ITM2B: variants seen among roughly 807,000 people sequenced by gnomAD.
ITM2B encodes the protein ABri/ADan amyloid peptide.
In ITM2B, 11 loss-of-function variants were observed where a neutral mutation model predicts 27.8. That is an observed-to-expected ratio of 0.40 (90% CI 0.25 to 0.66). ITM2B has a LOEUF of 0.66. ITM2B is among the 30% of genes least tolerant of loss of function. The pLI is 0.43. For missense variants in ITM2B, 296 were observed against 328.9 expected, an observed-to-expected ratio of 0.90 and a Z score of 0.77; for synonymous variants, 114 against 114.3, an observed-to-expected ratio of 1.00 and a Z score of 0.02.
At chr13:48,248,020 A>T (rs1392137763) in intron 1 of ITM2B, among the ~76,000 whole-genome samples, 3 of 152,146 alleles carry the variant, frequency 2.0e-5, no homozygotes, top group Non-Finnish European at 4.4e-5. Context: ...CGTCTCGGTG[A>T]CTTGTTTTAA....
chr13:48,243,282 G>T (rs4942759), intron 1 of ITM2B, among the ~76,000 whole-genome samples: 138,624 of 152,272 alleles, frequency 0.91, 63,301 homozygotes, highest in East Asian at 1. Flanking sequence ...TAATTAATAT[G>T]TTGCCTTTTT....
rs373140927 is a variant in ITM2B, at chr13:48,262,706, C to T, written c.*1482C>T. On this transcript the variant is annotated 3_prime_UTR_variant, in exon 6 of 6. Transcript: ENST00000647800. ...AAAGAAGAAAAAAAGCCACTGCCGT[C>T]GTGGAGACTCACAATCTAGGAAAAG... 6.6e-6 allele frequency: 1 copy of T among 152,102 alleles called. No individual in the cohort carries two copies. The highest frequency in any genetic ancestry group is 1.9e-4 in the East Asian group (1 of 5,198). 9.4% of individuals were successfully genotyped at this position (152,102 alleles called of 1,614,324 possible). A position where few individuals can be genotyped will look rare whatever the true frequency, so the allele number is the denominator to read the frequency against.
chr13:48,238,295 A>T (rs2137978549), intron 1 of ITM2B, among the ~76,000 whole-genome samples: 1 of 152,332 alleles, frequency 6.6e-6, no homozygotes, highest in Middle Eastern at 3.4e-3. Context: ...TATAAGTGTT[A>T]TCAACAATTG....
At chr13:48,250,792 TGAAA>T (rs1951751511) in intron 1 of ITM2B, among the ~76,000 whole-genome samples, 1 of 152,150 alleles carries the variant, frequency 6.6e-6, no homozygotes, top group Non-Finnish European at 1.5e-5. Flanking sequence ...ATTATTCTCA[TGAAA>T]GAAAAGTGAT....
At position 48,261,967 on chromosome 13, in the gene ITM2B, T is replaced by A. The variant is rs1052517094; in HGVS notation, c.*743T>A. 6.6e-6 allele frequency: 1 copy of A among 152,512 alleles called. No homozygotes were observed. The highest frequency in any genetic ancestry group is 6.6e-5 in the Admixed American group (1 of 15,264). 9.4% of individuals were successfully genotyped at this position (152,512 alleles called of 1,614,324 possible). A position where few individuals can be genotyped will look rare whatever the true frequency, so the allele number is the denominator to read the frequency against. On this transcript the variant is annotated 3_prime_UTR_variant, in exon 6 of 6. Coordinates refer to ENST00000647800, the MANE Select transcript of ITM2B (RefSeq NM_021999.5). ...CCACATAAAAGAAGAAACTATTTTT[T>A]AAAAATTCACTTCTATATATACAAT...
chr13:48,267,633 T>TAAAGTGCTGTTTCTTCAGC lies in ITM2B; in HGVS notation c.*6409_*6410insAAAGTGCTGTTTCTTCAGC, dbSNP rs1421906258. ...TGAGCCAGAAATGTTTCTTCAGCTT[T>TAAAGTGCTGTTTCTTCAGC]TGTAAAGTGCTGTTAAAAGCATTAT... is the stretch of plus-strand genomic sequence containing the variant. On this transcript the variant is annotated 3_prime_UTR_variant, in exon 6 of 6. Transcript: ENST00000647800. 6.6e-6 allele frequency: 1 copy of TAAAGTGCTGTTTCTTCAGC among 152,238 alleles called. No individual in the cohort carries two copies. Among genetic ancestry groups the TAAAGTGCTGTTTCTTCAGC allele is most frequent in the East Asian group, 1.9e-4 (1 of 5,204 alleles). The allele number at this position is 152,238 out of a possible 1,614,324, so 9.4% of individuals were successfully genotyped here. A position where few individuals can be genotyped will look rare whatever the true frequency, so the allele number is the denominator to read the frequency against.
At chr13:48,238,384 A>G (rs901528870) in intron 1 of ITM2B, among the ~76,000 whole-genome samples, 25 of 152,190 alleles carry the variant, frequency 1.6e-4, no homozygotes, top group African/African-American at 5.5e-4. Context: ...CAGTATTTCT[A>G]TAATTGTACT....
chr13:48,255,263 G>T (rs552849714), intron 2 of ITM2B, among the ~76,000 whole-genome samples: 1 of 151,538 alleles, frequency 6.6e-6, no homozygotes, highest in African/African-American at 2.4e-5. Flanking sequence ...GTGCGCGCGC[G>T]TGTGCGTGCG....
rs2052414479 is a variant in ITM2B at position 48,268,492 on chromosome 13, A to C, written c.*7268A>C. ...GTTTGTTTTTGTTATTTTTTTTAGT[A>C]CAGATGGGGTTTTGCCATGTTGTCC... On this transcript the variant is annotated 3_prime_UTR_variant, in exon 6 of 6. Coordinates refer to ENST00000647800, the MANE Select transcript of ITM2B (RefSeq NM_021999.5). 1 of 151,858 alleles carries C rather than the reference A, an allele frequency of 6.6e-6. No homozygotes were observed. Among genetic ancestry groups the C allele is most frequent in the African/African-American group, 2.4e-5 (1 of 41,302 alleles). 9.4% of individuals were successfully genotyped at this position (151,858 alleles called of 1,614,324 possible).
chr13:48,237,748 C>T (rs766291700), intron 1 of ITM2B, among the ~76,000 whole-genome samples: 3 of 152,076 alleles, frequency 2.0e-5, no homozygotes, highest in Non-Finnish European at 2.9e-5. Context: ...TTTTATTTCT[C>T]TTAGTTTTAT....
Position 48,253,892 on chromosome 13 carries a change from G to A in ITM2B, c.202G>A (p.Val68Ile). Residue 68 changes from valine to isoleucine, a missense_variant, in exon 2 of 6, where the codon GTT (valine) becomes ATT (isoleucine). Coordinates refer to ENST00000647800, the MANE Select transcript of ITM2B (RefSeq NM_021999.5). ...CFGLAFMLAG[V>I]ILGGAYLYKY... ...TGGACTAGCATTTATGCTTGCAGGT[G>A]TTATTCTAGGAGGAGCATACTTGTA... 1.9e-6 allele frequency: 3 copies of A among 1,613,560 alleles called. No individual in the cohort carries two copies. Among genetic ancestry groups the A allele is most frequent in the Non-Finnish European group, 2.5e-6 (3 of 1,179,768 alleles).
At position 48,270,190 on chromosome 13, in the gene ITM2B, T is replaced by A. The variant is rs1951876597; in HGVS notation, c.*8966T>A. ...CTGTGGCTATGAGCATTGCTCCTTATCTATGCCTCTGCTCTTAGACTTTTC... is the reference window on the plus strand; with the variant it reads ...CTGTGGCTATGAGCATTGCTCCTTAACTATGCCTCTGCTCTTAGACTTTTC... On this transcript the variant is annotated 3_prime_UTR_variant, in exon 6 of 6. Transcript: ENST00000647800. 6.6e-6 allele frequency: 1 copy of A among 152,256 alleles called. No individual in the cohort carries two copies. The highest frequency in any genetic ancestry group is 2.1e-4 in the South Asian group (1 of 4,838). 9.4% of individuals were successfully genotyped at this position (152,256 alleles called of 1,614,324 possible).
chr13:48,238,278 C>T (rs1422867989), intron 1 of ITM2B, among the ~76,000 whole-genome samples: 1 of 152,096 alleles, frequency 6.6e-6, no homozygotes, highest in African/African-American at 2.4e-5. Flanking sequence ...ACAATACAAC[C>T]TCATTTTATA....
At chr13:48,241,192 T>C (rs995423831) in intron 1 of ITM2B, among the ~76,000 whole-genome samples, 1 of 152,234 alleles carries the variant, frequency 6.6e-6, no homozygotes, top group African/African-American at 2.4e-5. Flanking sequence ...TAACTCCATG[T>C]TTCTCACTTT....
rs1951872297 is a variant in ITM2B at position 48,269,504 on chromosome 13, A to G, written c.*8280A>G. ...TCGAACAATGCCCTACCTGTAGGTA[A>G]TCTAGGCCTCCAAAGCTCTTCTTAC... is the stretch of plus-strand genomic sequence containing the variant. On this transcript the variant is annotated 3_prime_UTR_variant, in exon 6 of 6. Transcript: ENST00000647800. The G allele has an allele frequency of 1.3e-5, 2 of 152,260 alleles. No homozygotes were observed. Among genetic ancestry groups the G allele is most frequent in the Admixed American group, 1.3e-4 (2 of 15,268 alleles). 9.4% of individuals were successfully genotyped at this position (152,260 alleles called of 1,614,324 possible). A position where few individuals can be genotyped will look rare whatever the true frequency, so the allele number is the denominator to read the frequency against.
At position 48,261,270 on chromosome 13, in the gene ITM2B, A is replaced by G; in HGVS notation, c.*46A>G. The G allele has an allele frequency of 7.9e-7, 1 of 1,263,604 alleles. No homozygotes were observed. Among genetic ancestry groups the G allele is most frequent in the Non-Finnish European group, 1.2e-6 (1 of 862,146 alleles). The allele number at this position is 1,263,604 out of a possible 1,614,324, so 78.3% of individuals were successfully genotyped here. A position where few individuals can be genotyped will look rare whatever the true frequency, so the allele number is the denominator to read the frequency against. Reference sequence around the variant, plus strand: ...TGAGGAAAATTAATATCACAGCATAACCCCACCCTTTACATTTTGTGCAGT... The same window carrying G: ...TGAGGAAAATTAATATCACAGCATAGCCCCACCCTTTACATTTTGTGCAGT... On this transcript the variant is annotated 3_prime_UTR_variant, in exon 6 of 6. Coordinates refer to ENST00000647800, the MANE Select transcript of ITM2B (RefSeq NM_021999.5).
chr13:48,252,621 G>T (rs1446776713), intron 1 of ITM2B, among the ~76,000 whole-genome samples: 8 of 152,170 alleles, frequency 5.3e-5, no homozygotes, highest in Non-Finnish European at 2.9e-5. Flanking sequence ...TGCCAAAAAA[G>T]GTTGTGTAGT....
At chr13:48,234,308 C>G (rs901113835) in intron 1 of ITM2B, among the ~76,000 whole-genome samples, 2 of 152,030 alleles carry the variant, frequency 1.3e-5, no homozygotes, top group Non-Finnish European at 2.9e-5. Context: ...ACTGTGTTGA[C>G]TTTTAGTAGG....
chr13:48,266,032 C>T lies in ITM2B; in HGVS notation c.*4808C>T, dbSNP rs902363612. 1.3e-5 allele frequency: 2 copies of T among 152,110 alleles called. No homozygotes were observed. The highest frequency in any genetic ancestry group is 2.4e-5 in the African/African-American group (1 of 41,414). The allele number at this position is 152,110 out of a possible 1,614,324, so 9.4% of individuals were successfully genotyped here. On this transcript the variant is annotated 3_prime_UTR_variant, in exon 6 of 6. Coordinates refer to ENST00000647800, the MANE Select transcript of ITM2B (RefSeq NM_021999.5). ...ATTGAATGAATGAATGATTCCTTCC[C>T]GTACCACCCTAGTCTTGCCCACTGT... is the stretch of plus-strand genomic sequence containing the variant.
Sources: allele counts gnomAD v4.1 joint callset (sites outside exome capture counted in the v4.1 genomes callset), GRCh38; gene constraint gnomAD v4.1.1; transcripts MANE v1.5; gene names NCBI Gene and HGNC (gene_info 2026-07-23, HGNC 2026-07-21).